RBFOX1: variants seen among roughly 807,000 people sequenced by gnomAD.
The protein encoded by RBFOX1 is RNA binding protein fox-1 homolog 1.
Under a neutral mutation model 57.7 loss-of-function variants are expected in RBFOX1, and 8 were observed. The ratio of observed to expected loss-of-function variants is 0.14; its 90% CI spans 0.08 to 0.25. The LOEUF (loss-of-function observed/expected upper bound fraction) is 0.25, where lower values mean the gene tolerates loss of function less well. RBFOX1 is among the 10% of genes least tolerant of loss of function. The pLI is 1.00. For missense variants in RBFOX1, 611 were observed against 548.5 expected (o/e 1.11, Z -1.14); for synonymous variants, 326 against 222.4 (o/e 1.47, Z -4.15).
At chr16:7,622,608 C>G (rs1409287517) in intron 10 of RBFOX1, among the ~76,000 whole-genome samples, 1 of 144,406 alleles carries the variant, frequency 6.9e-6, no homozygotes, top group Non-Finnish European at 1.5e-5. Flanking sequence ...AGAAAACAAA[C>G]AAGAAGTGGT....
At chr16:6,837,572 A>T (rs1393103271) in intron 3 of RBFOX1, among the ~76,000 whole-genome samples, 2 of 152,204 alleles carry the variant, frequency 1.3e-5, no homozygotes, top group African/African-American at 4.8e-5. Context: ...CTGGGCTCAG[A>T]CTGGTTTTGA....
intron 3 of RBFOX1, among the ~76,000 whole-genome samples, chr16:6,867,024 A>AAAAAAACTT (rs1246624429): frequency 1.6e-4 from 20 of 123,340 alleles, no homozygotes; most frequent in African/African-American, 6.6e-4. Context: ...TTTAAAAAAA[A>AAAAAAACTT]AAAAAAAAAC....
At chr16:7,345,746 T>C (rs1192116126) in intron 4 of RBFOX1, among the ~76,000 whole-genome samples, 1 of 152,214 alleles carries the variant, frequency 6.6e-6, no homozygotes, top group Non-Finnish European at 1.5e-5. Context: ...GGGATTCTTA[T>C]CTGTCCAAAC....
At chr16:7,266,179 G>C (rs1044081059) in intron 4 of RBFOX1, among the ~76,000 whole-genome samples, 1 of 151,874 alleles carries the variant, frequency 6.6e-6, no homozygotes, top group African/African-American at 2.4e-5. Context: ...GTTTCACTGT[G>C]TTACCCAAGA....
intron 4 of RBFOX1, among the ~76,000 whole-genome samples, chr16:7,082,729 A>C (rs1011997050): frequency 6.6e-6 from 1 of 152,196 alleles, no homozygotes; most frequent in Non-Finnish European, 1.5e-5. Context: ...TGCTGTATAT[A>C]ATTAATGTAT....
intron 1 of RBFOX1, among the ~76,000 whole-genome samples, chr16:6,162,157 A>G (rs1398170998): frequency 6.6e-6 from 1 of 152,144 alleles, no homozygotes; most frequent in East Asian, 1.9e-4. Flanking sequence ...TCACTCTGTC[A>G]CCCAGGCTGG....
chr16:7,170,435 C>A (rs567356364), intron 4 of RBFOX1, among the ~76,000 whole-genome samples: 2 of 152,210 alleles, frequency 1.3e-5, no homozygotes, highest in South Asian at 4.2e-4. Context: ...CCACACCCAG[C>A]TAATTAAAAT....
At chr16:7,679,841 C>G (rs570896726) in intron 14 of RBFOX1, among the ~76,000 whole-genome samples, 8 of 151,962 alleles carry the variant, frequency 5.3e-5, no homozygotes, top group Admixed American at 5.2e-4. Context: ...GAGATTTCCC[C>G]AAAAGAAAAA....
intron 1 of RBFOX1, among the ~76,000 whole-genome samples, chr16:6,284,176 A>T (rs1379972146): frequency 2.0e-5 from 3 of 152,202 alleles, no homozygotes; most frequent in African/African-American, 7.2e-5. Flanking sequence ...TCTACTTAGC[A>T]GCTACAAAAT....
chr16:5,366,725 A>G (rs1411608270), intron 1 of RBFOX1: 2 of 358,582 alleles, frequency 5.6e-6, no homozygotes, highest in South Asian at 2.7e-5. Flanking sequence ...AAAATTTTCC[A>G]TCTTATTTCA....
At chr16:6,983,628 A>T in intron 3 of RBFOX1, 1 of 152,126 alleles carries the variant, frequency 6.6e-6, no homozygotes, top group East Asian at 1.9e-4. Flanking sequence ...TAATTTCTTA[A>T]TTTTTCGCAG....
chr16:7,051,997 T>G, intron 3 of RBFOX1, 60 bp from the exon 4 acceptor site: 1 of 1,584,344 alleles, frequency 6.3e-7, no homozygotes, highest in East Asian at 2.3e-5. Flanking sequence ...TCTGTTTTCT[T>G]TCATGTTTTT....
chr16:5,478,593 A>G (rs2069412918), intron 2 of RBFOX1, among the ~76,000 whole-genome samples: 1 of 152,212 alleles, frequency 6.6e-6, no homozygotes. Context: ...ACAAATTCTA[A>G]TATGACCCCC....
At chr16:5,577,466 A>G (rs1488249575) in intron 2 of RBFOX1, among the ~76,000 whole-genome samples, 2 of 152,170 alleles carry the variant, frequency 1.3e-5, no homozygotes, top group Admixed American at 6.5e-5. Context: ...TTGAGTTCAT[A>G]TAATGAACAC....
At chr16:7,299,244 T>C (rs1268071055) in intron 4 of RBFOX1, among the ~76,000 whole-genome samples, 2 of 152,216 alleles carry the variant, frequency 1.3e-5, no homozygotes, top group African/African-American at 4.8e-5. Flanking sequence ...TTTGATTTTA[T>C]TTGTTAACTG....
intron 3 of RBFOX1, among the ~76,000 whole-genome samples, chr16:6,676,324 C>T (rs940869935): frequency 6.6e-6 from 1 of 152,034 alleles, no homozygotes; most frequent in African/African-American, 2.4e-5. Flanking sequence ...ACTATCCTGC[C>T]TTCCAGTCAA....
chr16:6,759,358 C>T (rs761168276), intron 3 of RBFOX1, among the ~76,000 whole-genome samples: 1 of 152,016 alleles, frequency 6.6e-6, no homozygotes. Context: ...GTCGTGTTGG[C>T]CAGGCTGGTC....
rs993395038 is a variant in RBFOX1, at chr16:5,775,064, T to C, written c.319-92239T>C. ...AAATCTCACATAAAAATGGAAAATC[T>C]CCACAGTGCTTATAAAGTCACAGTG... On this transcript the variant is annotated intron_variant, in intron 3 of 19. Transcript: ENST00000641259. 5.3e-5 allele frequency among the ~76,000 whole-genome samples: 8 copies of C among 152,184 alleles called. No homozygotes were observed. The East Asian group carries it at 1.5e-3, about 29-fold the overall frequency.
chr16:6,916,764 C>G (rs866691368), intron 3 of RBFOX1, among the ~76,000 whole-genome samples: 1 of 152,180 alleles, frequency 6.6e-6, no homozygotes, highest in Non-Finnish European at 1.5e-5. Flanking sequence ...CTACCACCCA[C>G]TTAAACTTTT....
Sources: gnomAD v4.1 joint callset for allele counts (sites outside exome capture counted in the v4.1 genomes callset) on GRCh38, gnomAD v4.1.1 for gene constraint, MANE v1.5 for transcripts, NCBI Gene and HGNC (gene_info 2026-07-23, HGNC 2026-07-21) for gene names.